PCDH15: variants seen among roughly 807,000 people sequenced by gnomAD.
PCDH15 encodes the protein protocadherin related 15, also known as protocadherin-15.
A neutral mutation model predicts 178.5 loss-of-function variants in PCDH15; 129 were observed. The observed-to-expected ratio is 0.72, with a 90% confidence interval of 0.63 to 0.84. The LOEUF (loss-of-function observed/expected upper bound fraction) is 0.84. PCDH15 is among the 40% of genes least tolerant of loss of function. The pLI is 0.00. For synonymous variants in PCDH15, 800 were observed against 732.0 expected (o/e 1.09, Z -1.50); for missense variants, 2,230 against 2,099.9 (o/e 1.06, Z -1.21).
At chr10:54,529,382 A>G (rs1306321742) in intron 2 of PCDH15, among the ~76,000 whole-genome samples, 1 of 152,088 alleles carries the variant, frequency 6.6e-6, no homozygotes, top group Non-Finnish European at 1.5e-5. Flanking sequence ...ATCTCCCAGA[A>G]GTCTTGTTCT....
rs113007148 is a variant in PCDH15 at position 55,192,745 on chromosome 10, A to C, written c.-155-26094T>G. On this transcript the variant is annotated intron_variant, in intron 1 of 5. Transcript: ENST00000458638. ...AATCTCTCTCTCTCTCTCTCTCTAT[A>C]TATATATATACATATAGATACATGC... Among the ~76,000 whole-genome samples, 175 of 151,214 alleles carry C rather than the reference A, an allele frequency of 1.2e-3. 1 individual carries two copies. The South Asian group carries it at 0.019, about 16-fold the overall frequency.
intron 20 of PCDH15, among the ~76,000 whole-genome samples, chr10:53,999,392 T>A (rs1050660630): frequency 6.6e-6 from 1 of 152,094 alleles, no homozygotes; most frequent in Non-Finnish European, 1.5e-5. Context: ...TTCTGCTGGG[T>A]TTTTTTCTCT....
chr10:54,061,857 T>C (rs1445715138), intron 18 of PCDH15, among the ~76,000 whole-genome samples: 1 of 152,156 alleles, frequency 6.6e-6, no homozygotes, highest in Non-Finnish European at 1.5e-5. Context: ...ATAAAACTTT[T>C]TGCTATGTAT....
At chr10:54,087,462 T>C (rs1218238764) in intron 16 of PCDH15, among the ~76,000 whole-genome samples, 1 of 152,206 alleles carries the variant, frequency 6.6e-6, no homozygotes, top group Non-Finnish European at 1.5e-5. Flanking sequence ...TCATACATGT[T>C]GTAGCATGTT....
chr10:54,223,317 A>AT lies in PCDH15; in HGVS notation c.986-9270_986-9269insA, dbSNP rs1384438292. Among the ~76,000 whole-genome samples, 10 of 122,106 alleles carry AT rather than the reference A, an allele frequency of 8.2e-5. 1 individual carries two copies. Among genetic ancestry groups the AT allele is most frequent in the Admixed American group, 2.7e-4 (3 of 10,922 alleles). The allele number at this position is 122,106 out of a possible 152,430, so 80.1% of individuals were successfully genotyped here. A position where few individuals can be genotyped will look rare whatever the true frequency, so the allele number is the denominator to read the frequency against. On this transcript the variant is annotated intron_variant, in intron 9 of 37. Transcript: ENST00000644397. ...AAAACTACGTCTCAAAAAAAAAAAAAAAAAAAAGAGAAATTGTTGCCAACC... is the reference window on the plus strand; with the variant it reads ...AAAACTACGTCTCAAAAAAAAAAAAATAAAAAAAGAGAAATTGTTGCCAACC...
intron 2 of PCDH15, among the ~76,000 whole-genome samples, chr10:54,978,862 G>A (rs1003328912): frequency 7.2e-5 from 11 of 152,012 alleles, no homozygotes; most frequent in African/African-American, 2.4e-4. Context: ...ACATCTACAT[G>A]AGGTATACAT....
At chr10:54,366,228 G>A (rs1021451516) in intron 5 of PCDH15, among the ~76,000 whole-genome samples, 2 of 152,018 alleles carry the variant, frequency 1.3e-5, no homozygotes, top group Admixed American at 6.6e-5. Context: ...ATAAATCTGT[G>A]ATAATGACTT....
intron 8 of PCDH15, among the ~76,000 whole-genome samples, chr10:54,256,338 T>G (rs1043065692): frequency 6.6e-6 from 1 of 152,190 alleles, no homozygotes; most frequent in African/African-American, 2.4e-5. Flanking sequence ...AAGGTAAAGA[T>G]GAATCAGATG....
intron 27 of PCDH15, among the ~76,000 whole-genome samples, chr10:53,858,357 A>G (rs1347278950): frequency 6.6e-6 from 1 of 152,124 alleles, no homozygotes; most frequent in Admixed American, 6.6e-5. Flanking sequence ...TTCAGGAACC[A>G]GGCAGGTAAC....
At chr10:55,039,772 G>T (rs1050923273) in intron 2 of PCDH15, among the ~76,000 whole-genome samples, 1 of 152,130 alleles carries the variant, frequency 6.6e-6, no homozygotes, top group Admixed American at 6.5e-5. Context: ...TTTGATGAGT[G>T]ATATGTTACA....
chr10:55,543,889 T>C (rs1841818299), intron 2 of PCDH15, among the ~76,000 whole-genome samples: 1 of 151,460 alleles, frequency 6.6e-6, no homozygotes, highest in South Asian at 2.1e-4. Flanking sequence ...TTCCTTTTTT[T>C]CTTCAAAAAT....
At chr10:54,502,377 A>G (rs972106901) in intron 3 of PCDH15, among the ~76,000 whole-genome samples, 2 of 152,046 alleles carry the variant, frequency 1.3e-5, no homozygotes, top group Non-Finnish European at 2.9e-5. Flanking sequence ...GCAGTGTTTC[A>G]GTTATAACAG....
At position 53,903,365 on chromosome 10, in the gene PCDH15, T is replaced by C. The variant is rs1269087955; in HGVS notation, c.3379A>G (p.Thr1127Ala). The C allele has an allele frequency of 1.9e-6, 3 of 1,612,704 alleles. No homozygotes were observed. Among genetic ancestry groups the C allele is most frequent in the Non-Finnish European group, 2.5e-6 (3 of 1,179,332 alleles). Residue 1127 changes from threonine (T) to alanine (A), a missense_variant, in exon 26 of 38, where the codon ACA (threonine) becomes GCA (alanine). Coordinates refer to ENST00000644397, the MANE Select transcript of PCDH15 (RefSeq NM_001384140.1). ...TGAATCTCAATGTATACTTTAGCTG[T>C]ATTGCCTGGAGGACAAGAAACGATG... Reference protein sequence around the residue: ...ANLRVPSKSNTAKVYIEIQDE... With the variant: ...ANLRVPSKSNAAKVYIEIQDE...
chr10:54,810,811 T>C (rs1052844343), intron 3 of PCDH15, among the ~76,000 whole-genome samples: 2 of 152,142 alleles, frequency 1.3e-5, no homozygotes, highest in African/African-American at 2.4e-5. Context: ...CTGAATCAAA[T>C]ATGGTTTTCT....
intron 3 of PCDH15, among the ~76,000 whole-genome samples, chr10:54,808,127 A>C (rs1952807367): frequency 6.6e-6 from 1 of 152,200 alleles, no homozygotes; most frequent in Non-Finnish European, 1.5e-5. Context: ...TGTCTGCTGT[A>C]ACCGAGACTG....
intron 2 of PCDH15, among the ~76,000 whole-genome samples, chr10:54,643,842 A>C (rs1171991884): frequency 6.8e-6 from 1 of 147,402 alleles, no homozygotes; most frequent in Non-Finnish European, 1.5e-5. Context: ...TTATACTTTA[A>C]GTTTTAGGGT....
At chr10:54,338,232 C>A (rs755864089) in intron 6 of PCDH15, among the ~76,000 whole-genome samples, 5 of 152,206 alleles carry the variant, frequency 3.3e-5, no homozygotes, top group African/African-American at 1.2e-4. Flanking sequence ...CTTAATTATA[C>A]ATGAGTTTCC....
chr10:54,409,786 A>G (rs891067094), intron 3 of PCDH15, among the ~76,000 whole-genome samples: 6 of 152,062 alleles, frequency 3.9e-5, no homozygotes, highest in Non-Finnish European at 7.4e-5. Flanking sequence ...CTTTAGAGTT[A>G]GTCCCCCATG....
In PCDH15 at chr10:53,921,303, T is replaced by C. The variant is rs951829380; in HGVS notation, c.3373+17512A>G. ...TCCATTATGACATAAAGTAAAAATT[T>C]AGCACTGTAAGTTTCAAGTAATATG... On this transcript the variant is annotated intron_variant, in intron 25 of 37. Coordinates refer to ENST00000644397, the MANE Select transcript of PCDH15 (RefSeq NM_001384140.1). 2.6e-5 allele frequency among the ~76,000 whole-genome samples: 4 copies of C among 152,160 alleles called. No individual in the cohort carries two copies. In the East Asian group the frequency reaches 7.7e-4, roughly 29 times the overall value.
Sources: gnomAD v4.1 joint callset for allele counts (sites outside exome capture counted in the v4.1 genomes callset) on GRCh38, gnomAD v4.1.1 for gene constraint, MANE v1.5 for transcripts, NCBI Gene and HGNC (gene_info 2026-07-23, HGNC 2026-07-21) for gene names.